Variants in GEMIN6 observed in about 807,000 individuals in gnomAD.
The protein encoded by GEMIN6 is gem-associated protein 6.
In GEMIN6, 13 loss-of-function variants were observed where a neutral mutation model predicts 14.1. The observed-to-expected ratio is 0.92, with a 90% CI of 0.60 to 1.46. GEMIN6 has a LOEUF of 1.46. Among genes scored for constraint, GEMIN6 ranks in the 40% most tolerant of loss-of-function variants. The probability of loss-of-function intolerance (pLI) is 0.00; values close to 1 mark genes in which losing one functional copy is unlikely to be tolerated. For missense variants in GEMIN6, 271 were observed against 202.4 expected, an observed-to-expected ratio of 1.34 and a Z score of -2.06; for synonymous variants, 87 against 70.0, an observed-to-expected ratio of 1.24 and a Z score of -1.21.
chr2:38,778,511 G>C (rs563168537), intron 1 of GEMIN6, among the ~76,000 whole-genome samples: 2 of 152,284 alleles, frequency 1.3e-5, no homozygotes, highest in East Asian at 3.9e-4. Flanking sequence ...GAGCGCGTGG[G>C]TGGATATCAG....
intron 2 of GEMIN6, chr2:38,779,536 T>A (rs961798084): frequency 2.8e-5 from 5 of 181,266 alleles, no homozygotes; most frequent in African/African-American, 1.2e-4. Context: ...GGCCTACATA[T>A]GAGAACTTAA....
chr2:38,781,796 C>A lies in GEMIN6; in HGVS notation c.408C>A (p.Asp136Glu), dbSNP rs758438102. 3 of 1,614,124 alleles carry A rather than the reference C, an allele frequency of 1.9e-6. No homozygotes were observed. Among genetic ancestry groups the A allele is most frequent in the South Asian group, 2.2e-5 (2 of 91,086 alleles). ...GTGTGGCTGGGGTCCTGACTATAGA[C>A]CCACCATATGGTCCAGAAAATTGCA... ...TLCVAGVLTIDPPYGPENCSS... is the reference protein window; with the variant it reads ...TLCVAGVLTIEPPYGPENCSS... Residue 136 changes from aspartate to glutamate, a missense_variant, in exon 3 of 3, where the codon GAC (aspartate) becomes GAA (glutamate). By Grantham distance (45) the Asp-to-Glu change is conservative. Transcript: ENST00000281950.
rs1241471952 is a variant in GEMIN6, at chr2:38,783,270, C to G, written c.*1378C>G. The G allele has an allele frequency of 6.5e-6, 1 of 152,750 alleles. No individual in the cohort carries two copies. The highest frequency in any genetic ancestry group is 1.5e-5 in the Non-Finnish European group (1 of 68,592). The allele number at this position is 152,750 out of a possible 1,614,324, so 9.5% of individuals were successfully genotyped here. On this transcript the variant is annotated 3_prime_UTR_variant, in exon 3 of 3. Coordinates refer to ENST00000281950, the MANE Select transcript of GEMIN6 (RefSeq NM_024775.10). ...TGGCACAATCTCGGCTCACTGCAAC[C>G]TCTGCCTCCTGAGTTCAAGCCATTC... is the stretch of plus-strand genomic sequence containing the variant.
In GEMIN6 at chr2:38,782,598, A is replaced by C. The variant is rs937652848; in HGVS notation, c.*706A>C. On this transcript the variant is annotated 3_prime_UTR_variant, in exon 3 of 3. Transcript: ENST00000281950. ...ATCATGAGGTCAGGAGATCGAGACC[A>C]TCCTGGCTAACACGGTGAAACCCCT... 1 of 151,790 alleles carries C rather than the reference A, an allele frequency of 6.6e-6. No individual in the cohort carries two copies. The highest frequency in any genetic ancestry group is 1.5e-5 in the Non-Finnish European group (1 of 67,990). 9.4% of individuals were successfully genotyped at this position (151,790 alleles called of 1,614,324 possible). A position where few individuals can be genotyped will look rare whatever the true frequency, so the allele number is the denominator to read the frequency against.
intron 2 of GEMIN6, among the ~76,000 whole-genome samples, chr2:38,780,249 G>A (rs1214201935): frequency 6.6e-6 from 1 of 151,446 alleles, no homozygotes; most frequent in Non-Finnish European, 1.5e-5. Context: ...GAAGCTGGGA[G>A]GCAGAGCTTG....
At position 38,782,583 on chromosome 2, in the gene GEMIN6, C is replaced by G. The variant is rs1471494708; in HGVS notation, c.*691C>G. The G allele has an allele frequency of 6.6e-6, 1 of 151,536 alleles. No individual in the cohort carries two copies. The highest frequency in any genetic ancestry group is 1.5e-5 in the Non-Finnish European group (1 of 67,942). 9.4% of individuals were successfully genotyped at this position (151,536 alleles called of 1,614,324 possible). A position where few individuals can be genotyped will look rare whatever the true frequency, so the allele number is the denominator to read the frequency against. ...GGCCGAGGCAGGTGGATCATGAGGT[C>G]AGGAGATCGAGACCATCCTGGCTAA... is the stretch of plus-strand genomic sequence containing the variant. On this transcript the variant is annotated 3_prime_UTR_variant, in exon 3 of 3. Transcript: ENST00000281950.
At position 38,781,673 on chromosome 2, in the gene GEMIN6, C is replaced by G; in HGVS notation, c.285C>G (p.Ser95Arg). ...LFTSGDCKAYSPEDLEERKNS... is the reference protein window; with the variant it reads ...LFTSGDCKAYRPEDLEERKNS... ...CGTCTGGAGACTGCAAAGCATACAG[C>G]CCAGAGGATCTGGAAGAGAGAAAGA... Residue 95 changes from serine (S) to arginine (R), a missense_variant, in exon 3 of 3, where the codon AGC (serine) becomes AGG (arginine). Ser to Arg is a moderately radical substitution (Grantham distance 110). Transcript: ENST00000281950. 6.2e-7 allele frequency: 1 copy of G among 1,614,098 alleles called. No individual in the cohort carries two copies. Among genetic ancestry groups the G allele is most frequent in the Non-Finnish European group, 8.5e-7 (1 of 1,180,012 alleles).
intron 2 of GEMIN6, among the ~76,000 whole-genome samples, chr2:38,779,762 A>G (rs1348547071): frequency 7.4e-6 from 1 of 135,794 alleles, no homozygotes; most frequent in Admixed American, 8.2e-5. Context: ...GCTCACTGCA[A>G]CTTCTGCCTC....
Position 38,784,155 on chromosome 2 carries a change from C to T in GEMIN6, c.*2263C>T, listed in dbSNP as rs1007777719. 1.3e-5 allele frequency: 2 copies of T among 152,132 alleles called. No homozygotes were observed. Among genetic ancestry groups the T allele is most frequent in the South Asian group, 2.1e-4 (1 of 4,830 alleles). The allele number at this position is 152,132 out of a possible 1,614,324, so 9.4% of individuals were successfully genotyped here. A position where few individuals can be genotyped will look rare whatever the true frequency, so the allele number is the denominator to read the frequency against. Reference sequence around the variant, plus strand: ...AGTGGCTAAGACTCTCCTGTTCAAACCCTGGATGTCTTCAGAAAGCAAATA... The same window carrying T: ...AGTGGCTAAGACTCTCCTGTTCAAATCCTGGATGTCTTCAGAAAGCAAATA... On this transcript the variant is annotated 3_prime_UTR_variant, in exon 3 of 3. Coordinates refer to ENST00000281950, the MANE Select transcript of GEMIN6 (RefSeq NM_024775.10).
rs1669103054 is a variant in GEMIN6, at chr2:38,781,975, CTGTGTGTGTGTATG to C, written c.*97_*110del. Reference sequence around the variant, plus strand: ...ATGTTTTAAATGTAAATGTACATGACTGTGTGTGTGTATGTGTGTGTGTGTATAATTCTTTGTTG... The same window carrying C: ...ATGTTTTAAATGTAAATGTACATGACTGTGTGTGTGTATAATTCTTTGTTG... On this transcript the variant is annotated 3_prime_UTR_variant, in exon 3 of 3. Coordinates refer to ENST00000281950, the MANE Select transcript of GEMIN6 (RefSeq NM_024775.10). 17 of 1,325,424 alleles carry C rather than the reference CTGTGTGTGTGTATG, an allele frequency of 1.3e-5. No individual in the cohort carries two copies. Among genetic ancestry groups the C allele is most frequent in the South Asian group, 4.2e-5 (3 of 70,838 alleles). The allele number at this position is 1,325,424 out of a possible 1,614,324, so 82.1% of individuals were successfully genotyped here.
At chr2:38,779,658 ATATATATTTTTTTTTTTT>A (rs1190454408) in intron 2 of GEMIN6, among the ~76,000 whole-genome samples, 1 of 29,574 alleles carries the variant, frequency 3.4e-5, no homozygotes, top group African/African-American at 9.9e-5. Context: ...ATATATATAT[ATATATATTTTTTTTTTTT>A]TTTTTTTTTT....
chr2:38,783,294 TCTC>T lies in GEMIN6; in HGVS notation c.*1405_*1407del, dbSNP rs1477527176. ...CCTCTGCCTCCTGAGTTCAAGCCAT[TCTC>T]CTGCCTCAGCCCCCTCAGTAGCTGG... On this transcript the variant is annotated 3_prime_UTR_variant, in exon 3 of 3. Coordinates refer to ENST00000281950, the MANE Select transcript of GEMIN6 (RefSeq NM_024775.10). 1 of 152,500 alleles carries T rather than the reference TCTC, an allele frequency of 6.6e-6. No individual in the cohort carries two copies. Among genetic ancestry groups the T allele is most frequent in the East Asian group, 1.9e-4 (1 of 5,200 alleles). The allele number at this position is 152,500 out of a possible 1,614,324, so 9.4% of individuals were successfully genotyped here.
In GEMIN6 at chr2:38,781,882, C is replaced by T; in HGVS notation, c.494C>T (p.Ala165Val). ...GATCTTATTGAAGGACATCTTACAGCTTCCCAATGAGAGGCCAGGAAGTGT... is the reference window on the plus strand; with the variant it reads ...GATCTTATTGAAGGACATCTTACAGTTTCCCAATGAGAGGCCAGGAAGTGT... ...VQDLIEGHLT[A>V]SQ Residue 165 changes from alanine to valine, a missense_variant, in exon 3 of 3, where the codon GCT (alanine) becomes GTT (valine). By Grantham distance (64) the Ala-to-Val change is moderately conservative. Coordinates refer to ENST00000281950, the MANE Select transcript of GEMIN6 (RefSeq NM_024775.10). The T allele has an allele frequency of 6.2e-7, 1 of 1,603,076 alleles. No individual in the cohort carries two copies. The highest frequency in any genetic ancestry group is 8.5e-7 in the Non-Finnish European group (1 of 1,173,528).
intron 2 of GEMIN6, 63 bp from the exon 3 acceptor site, chr2:38,781,454 C>A: frequency 1.4e-6 from 2 of 1,441,534 alleles, no homozygotes; most frequent in African/African-American, 1.4e-5. Context: ...AGTAGAGTGT[C>A]ATCTATTATT....
chr2:38,784,999 T>C lies in GEMIN6; in HGVS notation c.*3107T>C, dbSNP rs1258087687. On this transcript the variant is annotated 3_prime_UTR_variant, in exon 3 of 3. Transcript: ENST00000281950. ...TTTAAAATAAAAGTCTGTTTCGACTTCCACTGTGTATTTTTTGTCTCCTTG... is the reference window on the plus strand; with the variant it reads ...TTTAAAATAAAAGTCTGTTTCGACTCCCACTGTGTATTTTTTGTCTCCTTG... The C allele has an allele frequency of 6.6e-6, 1 of 152,172 alleles. No individual in the cohort carries two copies. The highest frequency in any genetic ancestry group is 6.6e-5 in the Admixed American group (1 of 15,254). The allele number at this position is 152,172 out of a possible 1,614,324, so 9.4% of individuals were successfully genotyped here.
chr2:38,781,634 G>A lies in GEMIN6; in HGVS notation c.246G>A (p.Leu82=). The A allele has an allele frequency of 6.2e-7, 1 of 1,614,204 alleles. No homozygotes were observed. Among genetic ancestry groups the A allele is most frequent in the Non-Finnish European group, 8.5e-7 (1 of 1,180,028 alleles). Residue 82 remains leucine, a synonymous_variant, in exon 3 of 3, where the codon CTG becomes CTA. Transcript: ENST00000281950. ...GGGACCATAGAGTGAGGGAGAAGCT[G>A]ATGCATTTGTTCACGTCTGGAGACT... ...NEGDHRVREK[L]MHLFTSGDCK...
At position 38,781,503 on chromosome 2, in the gene GEMIN6, CT is replaced by C; in HGVS notation, c.129-10del. 1 of 1,592,120 alleles carries C rather than the reference CT, an allele frequency of 6.3e-7. No individual in the cohort carries two copies. Among genetic ancestry groups the C allele is most frequent in the Non-Finnish European group, 8.6e-7 (1 of 1,168,734 alleles). ...TGGGTTGATGATGCCTCTAAACTTA[CT>C]TTTCCTCCAAAGTATTGTCCTTGTG... On this transcript the variant is annotated splice_polypyrimidine_tract_variant and intron_variant, in intron 2 of 2. Transcript: ENST00000281950.
intron 2 of GEMIN6, among the ~76,000 whole-genome samples, chr2:38,779,668 T>A (rs868344571): frequency 0.011 from 633 of 59,652 alleles, no homozygotes; most frequent in African/African-American, 0.016. Context: ...ATATATATTT[T>A]TTTTTTTTTT....
chr2:38,778,970 A>G lies in GEMIN6; in HGVS notation c.-19-2A>G. 1 of 1,603,828 alleles carries G rather than the reference A, an allele frequency of 6.2e-7. No individual in the cohort carries two copies. The highest frequency in any genetic ancestry group is 8.5e-7 in the Non-Finnish European group (1 of 1,175,590). ...ATTAACCAGCACTGGTGGTTGTTTC[A>G]GATTTAGCCAGGTGGCAATCATGAG... On this transcript the variant is annotated splice_acceptor_variant, in intron 1 of 2. Transcript: ENST00000281950. LOFTEE classifies it low-confidence loss of function (5UTR_SPLICE).
Sources: allele counts gnomAD v4.1 joint callset (sites outside exome capture counted in the v4.1 genomes callset), GRCh38; gene constraint gnomAD v4.1.1; transcripts MANE v1.5; gene names NCBI Gene and HGNC (gene_info 2026-07-23, HGNC 2026-07-21).